The following SYN3 variants were observed in gnomAD, a reference collection of about 807,000 sequenced individuals.
SYN3 encodes the protein synapsin-3.
Under a neutral mutation model 65.8 loss-of-function variants are expected in SYN3, and 35 were observed. The observed-to-expected ratio is 0.53, with a 90% CI of 0.41 to 0.70. The LOEUF (loss-of-function observed/expected upper bound fraction) is 0.70. Among genes scored for constraint, SYN3 ranks in the 30% least tolerant of loss-of-function variants. The pLI is 0.00. For missense variants in SYN3, 680 were observed against 749.0 expected, an observed-to-expected ratio of 0.91 and a Z score of 1.08; for synonymous variants, 270 against 292.9, an observed-to-expected ratio of 0.92 and a Z score of 0.80.
At chr22:32,814,481 C>T (rs1370391652) in intron 6 of SYN3, among the ~76,000 whole-genome samples, 1 of 152,104 alleles carries the variant, frequency 6.6e-6, no homozygotes, top group East Asian at 1.9e-4. Flanking sequence ...AAAACAGAAA[C>T]CACTGCCCAT....
intron 6 of SYN3, among the ~76,000 whole-genome samples, chr22:32,718,937 C>G (rs1332383335): frequency 6.6e-6 from 1 of 152,240 alleles, no homozygotes; most frequent in Admixed American, 6.5e-5. Flanking sequence ...AATGACTACT[C>G]TCTGTTCCCA....
At chr22:32,910,621 G>A (rs1332088804) in intron 4 of SYN3, among the ~76,000 whole-genome samples, 1 of 141,976 alleles carries the variant, frequency 7.0e-6, no homozygotes, top group Non-Finnish European at 1.5e-5. Flanking sequence ...GTCTGACCTT[G>A]GACGAGTTAT....
intron 6 of SYN3, among the ~76,000 whole-genome samples, chr22:32,779,740 G>T (rs2045988294): frequency 6.6e-6 from 1 of 152,064 alleles, no homozygotes; most frequent in African/African-American, 2.4e-5. Context: ...GGGGATGCAT[G>T]AATAGGAAAA....
At chr22:32,645,698 C>T (rs927112071) in intron 6 of SYN3, among the ~76,000 whole-genome samples, 9 of 152,118 alleles carry the variant, frequency 5.9e-5, no homozygotes, top group Non-Finnish European at 1.0e-4. Flanking sequence ...GGGAAAGGGA[C>T]GTAACTGCTC....
At chr22:32,908,330 C>T (rs1250496726) in intron 4 of SYN3, among the ~76,000 whole-genome samples, 4 of 151,772 alleles carry the variant, frequency 2.6e-5, no homozygotes, top group African/African-American at 7.3e-5. Context: ...AAGTGATCCG[C>T]CCACCTTGGC....
intron 6 of SYN3, among the ~76,000 whole-genome samples, chr22:32,704,578 T>C (rs910966144): frequency 5.9e-5 from 9 of 152,230 alleles, no homozygotes; most frequent in Admixed American, 1.3e-4. Context: ...TTTGGGTATA[T>C]ACCCAATAAT....
At chr22:32,955,936 G>A (rs2051440026) in intron 3 of SYN3, among the ~76,000 whole-genome samples, 1 of 151,690 alleles carries the variant, frequency 6.6e-6, no homozygotes, top group Non-Finnish European at 1.5e-5. Context: ...TGGACTCCGA[G>A]TTCTTCAGCT....
rs538593829 is a variant in SYN3, at chr22:32,825,008, A to T, written c.711+39907T>A. Among the ~76,000 whole-genome samples, 3 of 152,262 alleles carry T rather than the reference A, an allele frequency of 2.0e-5. No homozygotes were observed. The East Asian group carries it at 5.8e-4, about 29-fold the overall frequency. On this transcript the variant is annotated intron_variant, in intron 6 of 13. Coordinates refer to ENST00000358763, the MANE Select transcript of SYN3 (RefSeq NM_003490.4). ...TGGCCCCGCCTGTCTTGGGATATCTACTCAGACCCTGGAACTTTGAAATCG... is the reference window on the plus strand; with the variant it reads ...TGGCCCCGCCTGTCTTGGGATATCTTCTCAGACCCTGGAACTTTGAAATCG...
intron 6 of SYN3, among the ~76,000 whole-genome samples, chr22:32,785,534 T>C (rs570519670): frequency 1.3e-5 from 2 of 152,304 alleles, no homozygotes; most frequent in South Asian, 4.1e-4. Flanking sequence ...CTCCCATTAG[T>C]GTGTTCTTCT....
intron 12 of SYN3, among the ~76,000 whole-genome samples, chr22:32,524,251 CT>C (rs2057937907): frequency 6.6e-6 from 1 of 152,120 alleles, no homozygotes; most frequent in South Asian, 2.1e-4. Flanking sequence ...ATGGAACAGC[CT>C]TCTATTGGAA....
chr22:32,679,506 T>A (rs1001894856), intron 6 of SYN3, among the ~76,000 whole-genome samples: 31 of 152,208 alleles, frequency 2.0e-4, no homozygotes, highest in Non-Finnish European at 2.9e-5. Flanking sequence ...GAAGAGGGAT[T>A]GATGGATCAT....
At chr22:32,620,020 A>C (rs1198444005) in intron 6 of SYN3, among the ~76,000 whole-genome samples, 2 of 152,254 alleles carry the variant, frequency 1.3e-5, no homozygotes, top group Non-Finnish European at 2.9e-5. Context: ...CCACCAATGG[A>C]TGAATAAGAC....
intron 6 of SYN3, among the ~76,000 whole-genome samples, chr22:32,692,155 C>CAAAAAAAAAAAAAAAA (rs1188224009): frequency 8.7e-5 from 3 of 34,496 alleles, no homozygotes; most frequent in Non-Finnish European, 1.3e-4. Context: ...GACAAAAAGA[C>CAAAAAAAAAAAAAAAA]AAAAAAAAAA....
At chr22:32,885,161 CAA>C (rs5845046) in intron 4 of SYN3, among the ~76,000 whole-genome samples, 49,501 of 143,496 alleles carry the variant, frequency 0.34, 8,904 homozygotes, top group African/African-American at 0.5. Context: ...GAGTTGGGTG[CAA>C]AAAAAAAAAA....
intron 1 of SYN3, among the ~76,000 whole-genome samples, chr22:33,041,827 T>C (rs919428654): frequency 6.6e-6 from 1 of 152,104 alleles, no homozygotes; most frequent in African/African-American, 2.4e-5. Context: ...GATATTAGCT[T>C]GCTCAGGAAG....
At chr22:32,597,979 T>C (rs1479993594) in intron 6 of SYN3, among the ~76,000 whole-genome samples, 5 of 152,170 alleles carry the variant, frequency 3.3e-5, no homozygotes, top group Admixed American at 6.5e-5. Context: ...ATGTTGTTCA[T>C]GTGTTTTTTG....
chr22:32,545,937 AT>A (rs543041210), intron 7 of SYN3, among the ~76,000 whole-genome samples: 2 of 151,332 alleles, frequency 1.3e-5, no homozygotes, highest in Admixed American at 1.3e-4. Context: ...CTATTTATTT[AT>A]TTTTTTAAAG....
chr22:32,644,101 A>AAAAAAAAAAAAAAAAGAG, intron 6 of SYN3, among the ~76,000 whole-genome samples: 1 of 71,214 alleles, frequency 1.4e-5, no homozygotes, highest in Non-Finnish European at 2.7e-5. Flanking sequence ...AAAAAAAAAA[A>AAAAAAAAAAAAAAAAGAG]AGCGACAAGA....
intron 6 of SYN3, among the ~76,000 whole-genome samples, chr22:32,814,589 C>T (rs181189426): frequency 1.3e-3 from 195 of 152,288 alleles, no homozygotes; most frequent in African/African-American, 4.6e-3. Flanking sequence ...GGTGCTTTGG[C>T]AGCTGGATAG....
Sources: allele counts gnomAD v4.1 joint callset (sites outside exome capture counted in the v4.1 genomes callset), GRCh38; gene constraint gnomAD v4.1.1; transcripts MANE v1.5; gene names NCBI Gene and HGNC (gene_info 2026-07-23, HGNC 2026-07-21).